Variants in ARID1B observed in about 807,000 individuals in gnomAD.
The protein encoded by ARID1B is AT-rich interaction domain 1B.
ARID1B carries 30 observed loss-of-function variants against 212.3 expected under a neutral mutation model. The observed-to-expected ratio is 0.14, with a 90% CI of 0.11 to 0.19. The LOEUF is 0.19. Among genes scored for constraint, ARID1B ranks in the 10% least tolerant of loss-of-function variants. ARID1B has a pLI of 1.00. For synonymous variants in ARID1B, 1,402 were observed against 1,301.7 expected (o/e 1.08, Z -1.66); for missense variants, 2,891 against 3,204.0 (o/e 0.90, Z 2.36).
chr6:156,945,211 C>A (rs1170904421), intron 4 of ARID1B, among the ~76,000 whole-genome samples: 8 of 126,598 alleles, frequency 6.3e-5, no homozygotes, highest in African/African-American at 1.2e-4. Flanking sequence ...CTGGGATGAC[C>A]GGTGTGAGCC....
At chr6:157,157,014 A>T (rs1282346504) in intron 8 of ARID1B, among the ~76,000 whole-genome samples, 2 of 151,900 alleles carry the variant, frequency 1.3e-5, no homozygotes, top group Non-Finnish European at 2.9e-5. Context: ...CTTTGTCTTG[A>T]TTTCTGCCCT....
chr6:156,797,120 T>C (rs1179905409), intron 1 of ARID1B, among the ~76,000 whole-genome samples: 2 of 152,212 alleles, frequency 1.3e-5, no homozygotes, highest in Non-Finnish European at 2.9e-5. Context: ...TGCTGCCGTC[T>C]ACTCAGTTGC....
intron 4 of ARID1B, chr6:156,938,821 T>G (rs930449678): frequency 2.0e-5 from 3 of 152,246 alleles, no homozygotes; most frequent in African/African-American, 7.2e-5. Context: ...TCCTCACTGT[T>G]GTGTGAACCT....
chr6:157,072,067 T>G (rs1245917195), intron 4 of ARID1B: 4 of 152,256 alleles, frequency 2.6e-5, no homozygotes, highest in Non-Finnish European at 5.9e-5. Flanking sequence ...TTTTTCTTTG[T>G]CCAACTTGAT....
chr6:157,146,497 C>T (rs757412605), intron 7 of ARID1B, among the ~76,000 whole-genome samples: 1 of 152,204 alleles, frequency 6.6e-6, no homozygotes, highest in Non-Finnish European at 1.5e-5. Context: ...CAAGGGGACC[C>T]TCAAGCCCTC....
intron 2 of ARID1B, among the ~76,000 whole-genome samples, chr6:156,881,248 T>G (rs540914667): frequency 6.6e-6 from 1 of 152,316 alleles, no homozygotes; most frequent in African/African-American, 2.4e-5. Flanking sequence ...AGTCACAATT[T>G]GGTACTAGGA....
intron 4 of ARID1B, among the ~76,000 whole-genome samples, chr6:156,970,581 A>G (rs1234647742): frequency 2.0e-5 from 3 of 152,182 alleles, no homozygotes; most frequent in Non-Finnish European, 4.4e-5. Flanking sequence ...TTTTATTCCT[A>G]TTTCATTAAT....
Position 157,013,893 on chromosome 6 carries a change from C to T in ARID1B, c.2248-70769C>T, listed in dbSNP as rs191927880. Among the ~76,000 whole-genome samples, 21 of 152,316 alleles carry T rather than the reference C, an allele frequency of 1.4e-4. No individual in the cohort carries two copies. The East Asian group carries it at 4.0e-3, about 29-fold the overall frequency. ...GCTAGCACTGTGGGAATCTTATACT[C>T]GGTGCTTTGCTCAAGATCAGTGCCT... On this transcript the variant is annotated intron_variant, in intron 4 of 19. Transcript: ENST00000636930.
intron 4 of ARID1B, among the ~76,000 whole-genome samples, chr6:157,073,309 G>A (rs1445383928): frequency 6.6e-6 from 1 of 151,952 alleles, no homozygotes; most frequent in East Asian, 1.9e-4. Context: ...TCACCGTGTT[G>A]GCCAGGCTGG....
Position 157,207,948 on chromosome 6 carries a change from C to T in ARID1B, c.*57C>T, listed in dbSNP as rs1391668314. Reference sequence around the variant, plus strand: ...AGATTAGAGGGTCACATATAACTGGCTGTTTTCTGTTCTTGTTTATCCAGC... The same window carrying T: ...AGATTAGAGGGTCACATATAACTGGTTGTTTTCTGTTCTTGTTTATCCAGC... On this transcript the variant is annotated 3_prime_UTR_variant, in exon 20 of 20. Transcript: ENST00000636930. The surrounding 1 kb of genome is among the most constrained non-coding windows in gnomAD (Gnocchi z 8.5). The T allele has an allele frequency of 3.5e-6, 5 of 1,415,166 alleles. No homozygotes were observed. The highest frequency in any genetic ancestry group is 4.6e-6 in the Non-Finnish European group (5 of 1,081,952). The allele number at this position is 1,415,166 out of a possible 1,614,324, so 87.7% of individuals were successfully genotyped here.
At chr6:157,078,539 A>G (rs776773497) in intron 4 of ARID1B, among the ~76,000 whole-genome samples, 5 of 152,156 alleles carry the variant, frequency 3.3e-5, no homozygotes, top group Admixed American at 6.5e-5. Flanking sequence ...GAAAACTGAG[A>G]CTATTTTAGG....
chr6:156,920,110 C>T (rs936764452), intron 3 of ARID1B, among the ~76,000 whole-genome samples: 2 of 152,360 alleles, frequency 1.3e-5, no homozygotes, highest in East Asian at 3.9e-4. Context: ...GAAGCCTGCT[C>T]TTCTAAACCA....
At chr6:156,886,486 C>G (rs2128178764) in intron 2 of ARID1B, among the ~76,000 whole-genome samples, 1 of 152,302 alleles carries the variant, frequency 6.6e-6, no homozygotes, top group Admixed American at 6.5e-5. Context: ...CCATGCCTTA[C>G]CCCGTACTGC....
intron 2 of ARID1B, among the ~76,000 whole-genome samples, chr6:156,850,553 G>A (rs1393907634): frequency 1.3e-5 from 2 of 152,174 alleles, no homozygotes; most frequent in African/African-American, 2.4e-5. Flanking sequence ...TGCACTGAAC[G>A]CATAGTAATT....
intron 4 of ARID1B, among the ~76,000 whole-genome samples, chr6:157,004,104 T>C (rs942703893): frequency 6.6e-6 from 1 of 152,124 alleles, no homozygotes; most frequent in Non-Finnish European, 1.5e-5. Flanking sequence ...GAGGTCTGGC[T>C]ATATTGCCCA....
chr6:156,937,084 G>C (rs779459301), intron 4 of ARID1B: 1 of 151,510 alleles, frequency 6.6e-6, no homozygotes, highest in Non-Finnish European at 1.5e-5. Context: ...TAGTGTTAAT[G>C]TATTTGTTGT....
At chr6:157,018,970 G>A (rs1258772243) in intron 4 of ARID1B, among the ~76,000 whole-genome samples, 3 of 151,994 alleles carry the variant, frequency 2.0e-5, no homozygotes, top group African/African-American at 7.3e-5. Flanking sequence ...TATGAATAAA[G>A]GGCTGAAAAA....
At chr6:156,804,035 T>G (rs1280078909) in intron 1 of ARID1B, among the ~76,000 whole-genome samples, 1 of 152,138 alleles carries the variant, frequency 6.6e-6, no homozygotes, top group African/African-American at 2.4e-5. Context: ...GGAGAATGTT[T>G]CTAAAGAACA....
chr6:156,835,785 G>A (rs559574493), intron 2 of ARID1B, among the ~76,000 whole-genome samples: 18 of 151,914 alleles, frequency 1.2e-4, no homozygotes, highest in African/African-American at 4.3e-4. Context: ...TCTGTTGCCC[G>A]GGCTGGAGTG....
Sources: allele counts gnomAD v4.1 joint callset (sites outside exome capture counted in the v4.1 genomes callset), GRCh38; gene constraint gnomAD v4.1.1; non-coding constraint Gnocchi (gnomAD v3.1); transcripts MANE v1.5; gene names NCBI Gene and HGNC (gene_info 2026-07-23, HGNC 2026-07-21).